SLC24A2: variants seen among roughly 807,000 people sequenced by gnomAD.
SLC24A2 encodes the protein sodium/potassium/calcium exchanger 2.
A neutral mutation model predicts 62.0 loss-of-function variants in SLC24A2; 36 were observed. The ratio of observed to expected loss-of-function variants is 0.58; its 90% CI spans 0.44 to 0.77. SLC24A2 has a LOEUF of 0.77. Ranked by LOEUF, SLC24A2 falls within the 30% of genes least tolerant of loss-of-function variation. SLC24A2 has a pLI of 0.00. For synonymous variants in SLC24A2, 358 were observed against 294.0 expected, an observed-to-expected ratio of 1.22 and a Z score of -2.23; for missense variants, 846 against 817.9, an observed-to-expected ratio of 1.03 and a Z score of -0.42.
At chr9:20,267,717 A>G in the SLC24A2 span, among the ~76,000 whole-genome samples, 2 of 152,232 alleles carry the variant, frequency 1.3e-5, no homozygotes, top group Non-Finnish European at 2.9e-5. Flanking sequence ...GCAGGACTAC[A>G]TTCCATTTAG....
chr9:19,793,309 A>G (rs1160314032), upstream of SLC24A2, among the ~76,000 whole-genome samples: 1 of 152,232 alleles, frequency 6.6e-6, no homozygotes, highest in Non-Finnish European at 1.5e-5. Context: ...TATCTAGAAC[A>G]CTGCCATTTG....
rs1832826063 is a variant in SLC24A2 at position 19,513,828 on chromosome 9, A to G, written c.*2325T>C. ...CTTCAAGAAATACACAGGGAAAACA[A>G]CTGGAGTTTTTAAACGTAAAGTTCA... On this transcript the variant is annotated 3_prime_UTR_variant, in exon 11 of 11. Transcript: ENST00000341998. 1 of 152,208 alleles carries G rather than the reference A, an allele frequency of 6.6e-6. No individual in the cohort carries two copies. Among genetic ancestry groups the G allele is most frequent in the African/African-American group, 2.4e-5 (1 of 41,460 alleles). 9.4% of individuals were successfully genotyped at this position (152,208 alleles called of 1,614,324 possible). A position where few individuals can be genotyped will look rare whatever the true frequency, so the allele number is the denominator to read the frequency against.
At chr9:19,876,791 A>G in the SLC24A2 span, among the ~76,000 whole-genome samples, 1 of 152,060 alleles carries the variant, frequency 6.6e-6, no homozygotes, top group African/African-American at 2.4e-5. Context: ...TTCCTTCCAC[A>G]AGGGTTGCTA....
At chr9:20,189,976 A>G in the SLC24A2 span, among the ~76,000 whole-genome samples, 178 of 152,278 alleles carry the variant, frequency 1.2e-3, 2 homozygotes, top group Admixed American at 9.0e-3. Context: ...AGACAGCCAG[A>G]GTGGGACTGA....
chr9:19,720,374 C>G (rs957631635), intron 2 of SLC24A2, among the ~76,000 whole-genome samples: 3 of 152,140 alleles, frequency 2.0e-5, no homozygotes, highest in African/African-American at 7.2e-5. Context: ...TTCTTAGAAT[C>G]TACAATAGTT....
intron 2 of SLC24A2, among the ~76,000 whole-genome samples, chr9:19,746,859 G>T (rs889391876): frequency 6.6e-5 from 10 of 152,020 alleles, no homozygotes; most frequent in Admixed American, 4.6e-4. Flanking sequence ...CCTTTTGGGG[G>T]TTCTTATAGG....
At chr9:19,639,118 C>T (rs929571031) in intron 2 of SLC24A2, among the ~76,000 whole-genome samples, 13 of 66,676 alleles carry the variant, frequency 1.9e-4, no homozygotes, top group African/African-American at 7.4e-4. Flanking sequence ...GTTTTTTCCC[C>T]CAACAACAAC....
chr9:20,102,434 T>A, the SLC24A2 span, among the ~76,000 whole-genome samples: 1 of 145,440 alleles, frequency 6.9e-6, no homozygotes, highest in East Asian at 2.0e-4. Flanking sequence ...TAAGTGGGAG[T>A]TGAACATTGA....
the SLC24A2 span, among the ~76,000 whole-genome samples, chr9:20,283,286 G>T: frequency 1.3e-5 from 2 of 152,210 alleles, no homozygotes; most frequent in Non-Finnish European, 2.9e-5. Flanking sequence ...ACTTGCATTA[G>T]AATGCTTATG....
intron 2 of SLC24A2, among the ~76,000 whole-genome samples, chr9:19,697,145 T>C (rs1243997648): frequency 3.9e-5 from 6 of 152,224 alleles, no homozygotes; most frequent in South Asian, 2.1e-4. Flanking sequence ...TTTTAATTAA[T>C]ATATTAAGAA....
the SLC24A2 span, among the ~76,000 whole-genome samples, chr9:20,256,352 C>T: frequency 6.6e-6 from 1 of 152,154 alleles, no homozygotes; most frequent in South Asian, 2.1e-4. Flanking sequence ...TCTGATGTGT[C>T]CTTCCTGCTA....
At chr9:19,643,603 G>A (rs568604627) in intron 2 of SLC24A2, among the ~76,000 whole-genome samples, 3 of 152,304 alleles carry the variant, frequency 2.0e-5, no homozygotes, top group Admixed American at 1.3e-4. Flanking sequence ...CAGGATAACA[G>A]CCCCGAACTC....
At chr9:19,811,573 T>C in the SLC24A2 span, among the ~76,000 whole-genome samples, 127,071 of 152,082 alleles carry the variant, frequency 0.84, 53,924 homozygotes, top group Non-Finnish European at 0.92. Context: ...TTCCAAAGTG[T>C]TGGGATTACA....
At chr9:20,121,809 C>G in the SLC24A2 span, among the ~76,000 whole-genome samples, 1 of 152,184 alleles carries the variant, frequency 6.6e-6, no homozygotes, top group South Asian at 2.1e-4. Context: ...TTGTCCTTAA[C>G]ACATACATCT....
In SLC24A2 at chr9:19,526,399, A is replaced by T. The variant is rs911359978; in HGVS notation, c.1569+1650T>A. Among the ~76,000 whole-genome samples, 3 of 152,268 alleles carry T rather than the reference A, an allele frequency of 2.0e-5. No individual in the cohort carries two copies. In the East Asian group the frequency reaches 5.8e-4, roughly 29 times the overall value. Reference sequence around the variant, plus strand: ...AATTGCTAGATCATATGGTAACTCTATGTTTAATGTTTTGTGGAACTGCCA... The same window carrying T: ...AATTGCTAGATCATATGGTAACTCTTTGTTTAATGTTTTGTGGAACTGCCA... On this transcript the variant is annotated intron_variant, in intron 9 of 10. Coordinates refer to ENST00000341998, the MANE Select transcript of SLC24A2 (RefSeq NM_020344.4).
the SLC24A2 span, among the ~76,000 whole-genome samples, chr9:20,139,400 TG>T: frequency 2.0e-5 from 3 of 152,092 alleles, no homozygotes; most frequent in East Asian, 5.8e-4. Flanking sequence ...TTGTGAGCAA[TG>T]AATGAAATTA....
chr9:19,636,278 CTTCTTCTCTTCTTTTCTT>C (rs1158611182), intron 2 of SLC24A2, among the ~76,000 whole-genome samples: 2 of 11,504 alleles, frequency 1.7e-4, no homozygotes, highest in African/African-American at 5.3e-4. Context: ...CTCTTCTTCT[CTTCTTCTCTTCTTTTCTT>C]TTCTTTTCTT....
chr9:19,558,475 CT>C (rs1179856044), intron 7 of SLC24A2, among the ~76,000 whole-genome samples: 1 of 152,132 alleles, frequency 6.6e-6, no homozygotes, highest in African/African-American at 2.4e-5. Context: ...AAAATGAGGG[CT>C]TGTGATTTTA....
chr9:19,574,667 AT>A (rs1835953575), intron 6 of SLC24A2, among the ~76,000 whole-genome samples: 1 of 152,090 alleles, frequency 6.6e-6, no homozygotes, highest in East Asian at 1.9e-4. Flanking sequence ...AGCATAAACT[AT>A]TTGGATCTTT....
Sources: gnomAD v4.1 joint callset for allele counts (sites outside exome capture counted in the v4.1 genomes callset) on GRCh38, gnomAD v4.1.1 for gene constraint, MANE v1.5 for transcripts, NCBI Gene and HGNC (gene_info 2026-07-23, HGNC 2026-07-21) for gene names.